The following ZNF423 variants were observed in gnomAD, a reference collection of about 807,000 sequenced individuals.
ZNF423 encodes the protein zinc finger protein 423.
In ZNF423, 12 loss-of-function variants were observed where a neutral mutation model predicts 95.8. The observed-to-expected ratio is 0.13, with a 90% CI of 0.08 to 0.20. The LOEUF (loss-of-function observed/expected upper bound fraction) is 0.20, where lower values mean the gene tolerates loss of function less well. Among genes scored for constraint, ZNF423 ranks in the 10% least tolerant of loss-of-function variants. The probability of loss-of-function intolerance (pLI) is 1.00; values close to 1 mark genes in which losing one functional copy is unlikely to be tolerated. For missense variants in ZNF423, 1,316 were observed against 1,737.1 expected (o/e 0.76, Z 4.31); for synonymous variants, 749 against 711.9 (o/e 1.05, Z -0.83).
chr16:49,644,038 C>T (rs532131903), intron 3 of ZNF423, among the ~76,000 whole-genome samples: 26 of 152,270 alleles, frequency 1.7e-4, no homozygotes, highest in Non-Finnish European at 2.9e-4. Flanking sequence ...TGCAAGTGGC[C>T]GCCCAGAATG....
rs141245758 is a variant in ZNF423 at position 49,680,686 on chromosome 16, C to G, written c.302-41812G>C. Reference sequence around the variant, plus strand: ...GGAACCAGCACATGGAGCTGCCCGCCCCACCACAGCAGCCAGCATGCCTGG... The same window carrying G: ...GGAACCAGCACATGGAGCTGCCCGCGCCACCACAGCAGCCAGCATGCCTGG... On this transcript the variant is annotated intron_variant, in intron 3 of 7. Transcript: ENST00000563137. Among the ~76,000 whole-genome samples the G allele has an allele frequency of 3.7e-3, 566 of 152,350 alleles. 1 individual carries two copies. The highest frequency in any genetic ancestry group is 6.0e-3 in the Non-Finnish European group (408 of 68,046).
chr16:49,771,169 T>A (rs1008442349), intron 2 of ZNF423, among the ~76,000 whole-genome samples: 1 of 149,600 alleles, frequency 6.7e-6, no homozygotes, highest in Non-Finnish European at 1.5e-5. Context: ...CCAAATCTCA[T>A]CTTGAATTTC....
chr16:49,669,712 C>T (rs2030718965), intron 3 of ZNF423, among the ~76,000 whole-genome samples: 1 of 152,102 alleles, frequency 6.6e-6, no homozygotes, highest in South Asian at 2.1e-4. Context: ...TCTCCCCCTG[C>T]ACCCCCTCAC....
chr16:49,570,535 G>T (rs1970323167), intron 5 of ZNF423, among the ~76,000 whole-genome samples: 1 of 152,232 alleles, frequency 6.6e-6, no homozygotes, highest in East Asian at 1.9e-4. Flanking sequence ...GTCAAGAGAG[G>T]TGCCTCCTAA....
chr16:49,638,480 G>A lies in ZNF423; in HGVS notation c.696C>T (p.Cys232=), dbSNP rs1291831969. The change falls in exon 4 of 8, where the codon TGC becomes TGT. Residue 232 remains cysteine (C), a synonymous_variant. Coordinates refer to ENST00000563137, the MANE Select transcript of ZNF423 (RefSeq NM_001379286.1). This position sits in a 1 kb window ranked among gnomAD's most constrained non-coding sequence, Gnocchi z 5.6. ...KTHSSSKPFK[C]TVCKRGFSST... The stretch of plus-strand genomic sequence containing the variant: ...AGGAGAAGCCGCGCTTGCACACAGT[G>A]CACTTGAAGGGCTTGCTGGAGCTGT... 1.9e-6 allele frequency: 3 copies of A among 1,613,906 alleles called. No individual in the cohort carries two copies. In the East Asian group the frequency reaches 6.7e-5, roughly 36 times the overall value.
intron 3 of ZNF423, chr16:49,711,203 G>A (rs1356789386): frequency 6.6e-6 from 1 of 152,182 alleles, no homozygotes; most frequent in African/African-American, 2.4e-5. Context: ...TGGGCCCAAC[G>A]ATGCCCCTTC....
intron 2 of ZNF423, among the ~76,000 whole-genome samples, chr16:49,767,645 TC>T (rs1014968399): frequency 3.9e-5 from 6 of 152,092 alleles, no homozygotes; most frequent in Non-Finnish European, 8.8e-5. Flanking sequence ...CACAGCAAGT[TC>T]CCACTGAGTT....
intron 1 of ZNF423, among the ~76,000 whole-genome samples, chr16:49,801,417 G>A (rs1424607902): frequency 6.6e-6 from 1 of 152,254 alleles, no homozygotes; most frequent in African/African-American, 2.4e-5. Flanking sequence ...GCCCAGACGA[G>A]GCGGCAAAAG....
At chr16:49,857,269 A>AATAC (rs1567374639), upstream of ZNF423, among the ~76,000 whole-genome samples, 1 of 146,282 alleles carries the variant, frequency 6.8e-6, no homozygotes, top group Non-Finnish European at 1.5e-5. The surrounding 1 kb of genome is among the most constrained non-coding windows in gnomAD (Gnocchi z 6.2). Context: ...CAGCGCTGGA[A>AATAC]ATACAGCTCC....
At chr16:49,703,281 G>T (rs2032250373) in intron 3 of ZNF423, among the ~76,000 whole-genome samples, 1 of 152,216 alleles carries the variant, frequency 6.6e-6, no homozygotes, top group African/African-American at 2.4e-5. Flanking sequence ...CATTACGTCA[G>T]CTTGGGGTTT....
chr16:49,573,915 A>T (rs1970420330), intron 5 of ZNF423, among the ~76,000 whole-genome samples: 1 of 152,154 alleles, frequency 6.6e-6, no homozygotes, highest in Non-Finnish European at 1.5e-5. Context: ...TAGATCAGGG[A>T]TGCGTACATG....
rs147968033 is a variant in ZNF423, at chr16:49,532,204, G to A, written c.3602-6710C>T. Among the ~76,000 whole-genome samples, 207 of 152,326 alleles carry A rather than the reference G, an allele frequency of 1.4e-3. 2 individuals are homozygous for A. Among genetic ancestry groups the A allele is most frequent in the African/African-American group, 4.9e-3 (202 of 41,572 alleles). On this transcript the variant is annotated intron_variant, in intron 5 of 7. Coordinates refer to ENST00000563137, the MANE Select transcript of ZNF423 (RefSeq NM_001379286.1). ...TACTCCTGGGATGGAAATGATGCGA[G>A]TATATCTTTGAAGAGGCTGCTGGAG...
intron 7 of ZNF423, chr16:49,518,479 G>A: frequency 2.3e-6 from 1 of 437,202 alleles, no homozygotes; most frequent in South Asian, 1.7e-5. Context: ...CGCACTGTCT[G>A]TCCCTATCTC....
At chr16:49,672,515 G>A (rs976993121) in intron 3 of ZNF423, among the ~76,000 whole-genome samples, 1 of 152,170 alleles carries the variant, frequency 6.6e-6, no homozygotes, top group South Asian at 2.1e-4. Context: ...GTACGGAGCT[G>A]CAGTTTAAAA....
intron 3 of ZNF423, among the ~76,000 whole-genome samples, chr16:49,690,438 G>A (rs139358079): frequency 2.0e-5 from 3 of 152,304 alleles, no homozygotes; most frequent in East Asian, 1.9e-4. Flanking sequence ...CAAGAGAATC[G>A]CTCATGCTCA....
At chr16:49,674,254 T>C (rs2030944932) in intron 3 of ZNF423, among the ~76,000 whole-genome samples, 1 of 152,198 alleles carries the variant, frequency 6.6e-6, no homozygotes, top group Non-Finnish European at 1.5e-5. Context: ...AACAAAATTT[T>C]GCTGTGCAGT....
chr16:49,705,757 G>T (rs1567301971), intron 3 of ZNF423, among the ~76,000 whole-genome samples: 1 of 151,592 alleles, frequency 6.6e-6, no homozygotes, highest in Non-Finnish European at 1.5e-5. Context: ...CATGTTGGCT[G>T]GGCTGGTCTT....
intron 3 of ZNF423, among the ~76,000 whole-genome samples, chr16:49,712,626 A>G (rs541601291): frequency 7.2e-5 from 11 of 152,318 alleles, no homozygotes; most frequent in African/African-American, 2.4e-4. Context: ...TTAATATCCA[A>G]TTCTGTGTGT....
At chr16:49,842,131 G>A (rs956117188) in intron 1 of ZNF423, among the ~76,000 whole-genome samples, 6 of 150,288 alleles carry the variant, frequency 4.0e-5, no homozygotes, top group African/African-American at 1.2e-4. Flanking sequence ...CCAGCTACTC[G>A]GGAGGCTGAG....
Sources: allele counts gnomAD v4.1 joint callset (sites outside exome capture counted in the v4.1 genomes callset), GRCh38; gene constraint gnomAD v4.1.1; non-coding constraint Gnocchi (gnomAD v3.1); transcripts MANE v1.5; gene names NCBI Gene and HGNC (gene_info 2026-07-23, HGNC 2026-07-21).